Variants in AGO3 observed in about 807,000 individuals in gnomAD.
AGO3 encodes the protein argonaute RISC catalytic component 3.
Under a neutral mutation model 105.5 loss-of-function variants are expected in AGO3, and 16 were observed. The observed-to-expected ratio is 0.15, with a 90% confidence interval of 0.10 to 0.23. The LOEUF (loss-of-function observed/expected upper bound fraction) is 0.23, where lower values mean the gene tolerates loss of function less well. Among genes scored for constraint, AGO3 ranks in the 10% least tolerant of loss-of-function variants. The pLI is 1.00. For synonymous variants in AGO3, 340 were observed against 367.3 expected (o/e 0.93, Z 0.85); for missense variants, 534 against 1,088.0 (o/e 0.49, Z 7.16).
At chr1:36,045,571 T>C (rs913921237) in intron 17 of AGO3, among the ~76,000 whole-genome samples, 3 of 150,540 alleles carry the variant, frequency 2.0e-5, no homozygotes, top group African/African-American at 7.3e-5. Context: ...CGCTAGAGTG[T>C]AATGGCGTGA....
chr1:36,061,440 T>C lies in AGO3; in HGVS notation c.*5695T>C, dbSNP rs1643025915. ...CCAGATGTTTACATCATTGATTAAATCTCAAGAATCTTTTGTTCTTAAAAT... is the reference window on the plus strand; with the variant it reads ...CCAGATGTTTACATCATTGATTAAACCTCAAGAATCTTTTGTTCTTAAAAT... On this transcript the variant is annotated 3_prime_UTR_variant, in exon 19 of 19. Transcript: ENST00000373191. The C allele has an allele frequency of 1.3e-5, 2 of 152,184 alleles. No homozygotes were observed. Among genetic ancestry groups the C allele is most frequent in the African/African-American group, 4.8e-5 (2 of 41,456 alleles). The allele number at this position is 152,184 out of a possible 1,614,324, so 9.4% of individuals were successfully genotyped here. A position where few individuals can be genotyped will look rare whatever the true frequency, so the allele number is the denominator to read the frequency against.
intron 1 of AGO3, among the ~76,000 whole-genome samples, chr1:35,945,442 G>A (rs1245907453): frequency 1.3e-5 from 2 of 152,102 alleles, no homozygotes; most frequent in Admixed American, 6.5e-5. Context: ...CTTGGTTTGT[G>A]TGATTGTTCT....
At chr1:36,054,881 C>A in intron 17 of AGO3, 65 bp from the exon 18 acceptor site, 1 of 1,519,412 alleles carries the variant, frequency 6.6e-7, no homozygotes, top group Non-Finnish European at 9.1e-7. Context: ...GACTTTGTCT[C>A]AAAAAACAAA....
At chr1:35,939,852 A>G (rs1240265554) in intron 1 of AGO3, among the ~76,000 whole-genome samples, 1 of 152,034 alleles carries the variant, frequency 6.6e-6, no homozygotes. Context: ...CCCACGTCCA[A>G]TCGCTTCTCT....
intron 5 of AGO3, among the ~76,000 whole-genome samples, chr1:35,989,107 A>G (rs1222560265): frequency 6.6e-6 from 1 of 152,210 alleles, no homozygotes; most frequent in Admixed American, 6.5e-5. Flanking sequence ...ACCAAGTGCA[A>G]TGGAAGCATA....
At chr1:36,026,996 A>AT (rs1178110694) in intron 11 of AGO3, 118 bp from the exon 12 acceptor site, 1 of 1,190,182 alleles carries the variant, frequency 8.4e-7, no homozygotes, top group Non-Finnish European at 1.2e-6. Flanking sequence ...GACCTCTCAT[A>AT]TATGAAGCAC....
intron 2 of AGO3, among the ~76,000 whole-genome samples, chr1:35,955,662 A>G (rs963709979): frequency 6.6e-6 from 1 of 151,200 alleles, no homozygotes; most frequent in Non-Finnish European, 1.5e-5. Context: ...TGGCGTGAAC[A>G]TGGCTCACTG....
rs1170115661 is a variant in AGO3 at position 36,061,884 on chromosome 1, G to A, written c.*6139G>A. On this transcript the variant is annotated 3_prime_UTR_variant, in exon 19 of 19. Coordinates refer to ENST00000373191, the MANE Select transcript of AGO3 (RefSeq NM_024852.4). ...AGTGTGACAGTTTCATAAAAATAAT[G>A]TTAGTTGTTGTCTTGAATCTCGTCC... is the stretch of plus-strand genomic sequence containing the variant. 1.3e-5 allele frequency: 2 copies of A among 152,146 alleles called. No homozygotes were observed. Among genetic ancestry groups the A allele is most frequent in the Non-Finnish European group, 2.9e-5 (2 of 68,030 alleles). 9.4% of individuals were successfully genotyped at this position (152,146 alleles called of 1,614,324 possible).
intron 1 of AGO3, among the ~76,000 whole-genome samples, chr1:35,933,047 A>G (rs1378890988): frequency 1.3e-5 from 2 of 152,244 alleles, no homozygotes; most frequent in African/African-American, 2.4e-5. Context: ...TACAGCTCAG[A>G]AAATACATTT....
At chr1:35,995,209 A>ATATATATATATATATATATATAT (rs1553164849) in intron 5 of AGO3, among the ~76,000 whole-genome samples, 2 of 114,788 alleles carry the variant, frequency 1.7e-5, no homozygotes, top group African/African-American at 7.5e-5. Context: ...TAAAAAAAAA[A>ATATATATATATATATATATATAT]ATATATATAT....
At chr1:35,947,516 T>A (rs74879824) in intron 2 of AGO3, among the ~76,000 whole-genome samples, 7,293 of 152,302 alleles carry the variant, frequency 0.048, 263 homozygotes, top group South Asian at 0.083. Context: ...TGAAAAGTAG[T>A]GTTTTTTATC....
At chr1:35,973,257 C>A (rs777907212) in intron 4 of AGO3, 118 bp from the exon 5 acceptor site, 3 of 1,099,026 alleles carry the variant, frequency 2.7e-6, no homozygotes, top group Non-Finnish European at 2.4e-6. Flanking sequence ...TGTTTAGTTT[C>A]ATATATTCAT....
intron 11 of AGO3, among the ~76,000 whole-genome samples, chr1:36,017,054 G>A (rs1322651525): frequency 6.6e-6 from 1 of 152,158 alleles, no homozygotes; most frequent in Non-Finnish European, 1.5e-5. Flanking sequence ...GTCTCAGTAC[G>A]TCATTTATAA....
intron 5 of AGO3, among the ~76,000 whole-genome samples, chr1:35,978,924 ATAT>A (rs1202405586): frequency 1.5e-4 from 23 of 152,204 alleles, no homozygotes; most frequent in African/African-American, 5.3e-4. Context: ...GAAATACATA[ATAT>A]TATTTTCTAG....
chr1:35,975,745 G>A (rs1646944926), intron 5 of AGO3, among the ~76,000 whole-genome samples: 1 of 152,070 alleles, frequency 6.6e-6, no homozygotes, highest in Non-Finnish European at 1.5e-5. Context: ...GTGAGTGGGA[G>A]AGGACAGATT....
intron 2 of AGO3, among the ~76,000 whole-genome samples, chr1:35,959,386 G>C (rs192250366): frequency 1.3e-5 from 2 of 152,014 alleles, no homozygotes; most frequent in East Asian, 3.9e-4. Context: ...AAATTCTCAC[G>C]TGACGTTCTA....
chr1:35,965,092 G>C (rs1000806918), intron 2 of AGO3, among the ~76,000 whole-genome samples: 6 of 151,174 alleles, frequency 4.0e-5, no homozygotes, highest in African/African-American at 1.5e-4. Context: ...GGGTTTCCCA[G>C]AATTCGTAAG....
chr1:36,062,233 G>A lies in AGO3; in HGVS notation c.*6488G>A, dbSNP rs1643035328. 6.9e-6 allele frequency: 1 copy of A among 145,132 alleles called. No individual in the cohort carries two copies. The highest frequency in any genetic ancestry group is 2.6e-5 in the African/African-American group (1 of 38,684). The allele number at this position is 145,132 out of a possible 1,614,324, so 9.0% of individuals were successfully genotyped here. ...GCTGGAGTGCAGTGGCTCAATCTCA[G>A]CTTACTGCAAACTCCGCCTCCCGGG... On this transcript the variant is annotated 3_prime_UTR_variant, in exon 19 of 19. Coordinates refer to ENST00000373191, the MANE Select transcript of AGO3 (RefSeq NM_024852.4).
chr1:36,029,391 CTTTT>C (rs71034710), intron 12 of AGO3, among the ~76,000 whole-genome samples: 2 of 121,682 alleles, frequency 1.6e-5, no homozygotes, highest in Admixed American at 8.2e-5. Flanking sequence ...CTCTTTCTTT[CTTTT>C]TTTTTTTTTT....
Sources: gnomAD v4.1 joint callset for allele counts (sites outside exome capture counted in the v4.1 genomes callset) on GRCh38, gnomAD v4.1.1 for gene constraint, MANE v1.5 for transcripts, NCBI Gene and HGNC (gene_info 2026-07-23, HGNC 2026-07-21) for gene names.